The following CADM2 variants were observed in gnomAD, a reference collection of about 807,000 sequenced individuals.
The protein encoded by CADM2 is cell adhesion molecule 2.
Under a neutral mutation model 49.8 loss-of-function variants are expected in CADM2, and 12 were observed. The observed-to-expected ratio is 0.24, with a 90% confidence interval of 0.15 to 0.39. The LOEUF is 0.39. CADM2 is among the 10% of genes least tolerant of loss of function. CADM2 has a pLI of 1.00. For synonymous variants in CADM2, 214 were observed against 175.4 expected, an observed-to-expected ratio of 1.22 and a Z score of -1.74; for missense variants, 378 against 492.3, an observed-to-expected ratio of 0.77 and a Z score of 2.20.
intron 1 of CADM2, among the ~76,000 whole-genome samples, chr3:85,052,877 C>A (rs1368911845): frequency 2.0e-5 from 3 of 151,926 alleles, no homozygotes; most frequent in Non-Finnish European, 4.4e-5. Context: ...ATTAGTGCTG[C>A]ATTATATGTG....
intron 1 of CADM2, among the ~76,000 whole-genome samples, chr3:85,062,139 G>C (rs1433446883): frequency 2.0e-5 from 3 of 150,768 alleles, no homozygotes; most frequent in Non-Finnish European, 4.4e-5. Flanking sequence ...CCAAACTCTT[G>C]CTTCCGGTAC....
chr3:85,799,526 A>G (rs2875529), intron 2 of CADM2, among the ~76,000 whole-genome samples: 62,500 of 152,042 alleles, frequency 0.41, 13,517 homozygotes, highest in East Asian at 0.76. Flanking sequence ...CTATTGAGAT[A>G]ATCATGTGGT....
chr3:85,349,233 G>A (rs2031091433), intron 1 of CADM2, among the ~76,000 whole-genome samples: 1 of 152,118 alleles, frequency 6.6e-6, no homozygotes. Context: ...AAGGTTTAAC[G>A]TTCAGAGGTT....
intron 1 of CADM2, among the ~76,000 whole-genome samples, chr3:85,153,975 C>T (rs1410900745): frequency 1.3e-5 from 2 of 152,008 alleles, no homozygotes; most frequent in Non-Finnish European, 2.9e-5. Context: ...TAGATAAAAC[C>T]ACAAAGATGG....
chr3:85,898,233 C>A lies in CADM2; in HGVS notation c.529+11906C>A, dbSNP rs541365030. Among the ~76,000 whole-genome samples the A allele has an allele frequency of 2.4e-4, 37 of 152,000 alleles. 1 individual carries two copies. In the South Asian group the frequency reaches 6.4e-3, roughly 26 times the overall value. Reference sequence around the variant, plus strand: ...GTGGTTGAGTTGAAAGAATAATCACCAGAAATCATTGAGAGTCTTTACTTT... The same window carrying A: ...GTGGTTGAGTTGAAAGAATAATCACAAGAAATCATTGAGAGTCTTTACTTT... On this transcript the variant is annotated intron_variant, in intron 5 of 9. Coordinates refer to ENST00000383699, the MANE Select transcript of CADM2 (RefSeq NM_001167675.2).
chr3:85,638,921 T>A (rs1385925886), intron 1 of CADM2, among the ~76,000 whole-genome samples: 1 of 152,144 alleles, frequency 6.6e-6, no homozygotes, highest in African/African-American at 2.4e-5. Context: ...TTTCTGTTTT[T>A]GTTTTGTTTT....
intron 1 of CADM2, among the ~76,000 whole-genome samples, chr3:85,471,726 A>ATTTTATTTTATTT (rs1559857376): frequency 2.5e-5 from 1 of 39,364 alleles, no homozygotes; most frequent in African/African-American, 7.1e-5. Context: ...TTATTTTATT[A>ATTTTATTTTATTT]TACTTTAAGT....
At chr3:85,254,891 G>A (rs1353016775) in intron 1 of CADM2, among the ~76,000 whole-genome samples, 1 of 151,998 alleles carries the variant, frequency 6.6e-6, no homozygotes, top group Admixed American at 6.6e-5. Flanking sequence ...AGTGCTTCCC[G>A]TTTGCGGGTC....
At chr3:85,155,157 C>G (rs1228139225) in intron 1 of CADM2, among the ~76,000 whole-genome samples, 33 of 149,608 alleles carry the variant, frequency 2.2e-4, no homozygotes, top group Admixed American at 1.5e-3. Context: ...ATTGGATAAA[C>G]AGTCAAGACC....
chr3:85,240,170 T>C (rs1464829895), intron 1 of CADM2, among the ~76,000 whole-genome samples: 6 of 151,554 alleles, frequency 4.0e-5, no homozygotes, highest in South Asian at 2.1e-4. Flanking sequence ...TAATAACTTA[T>C]GTTGTTGCTT....
At chr3:85,875,054 A>G (rs1312109105) in intron 3 of CADM2, among the ~76,000 whole-genome samples, 1 of 152,170 alleles carries the variant, frequency 6.6e-6, no homozygotes. Flanking sequence ...TCCATTTACT[A>G]TGGTTTCAGT....
intron 1 of CADM2, among the ~76,000 whole-genome samples, chr3:85,322,194 A>G (rs972614348): frequency 6.6e-6 from 1 of 152,236 alleles, no homozygotes; most frequent in South Asian, 2.1e-4. Context: ...CGAAAATAGT[A>G]GAAGAATATA....
chr3:85,587,236 T>C (rs960246958), intron 1 of CADM2, among the ~76,000 whole-genome samples: 4 of 152,002 alleles, frequency 2.6e-5, no homozygotes, highest in Non-Finnish European at 4.4e-5. Flanking sequence ...GATAGGAAGT[T>C]AGACATAAAC....
At chr3:85,021,795 C>CA (rs1301921875) in intron 1 of CADM2, among the ~76,000 whole-genome samples, 2 of 151,918 alleles carry the variant, frequency 1.3e-5, no homozygotes, top group Non-Finnish European at 2.9e-5. Flanking sequence ...TTAATAAAAA[C>CA]AAAAAATAAA....
intron 6 of CADM2, among the ~76,000 whole-genome samples, chr3:85,920,426 T>G (rs555249034): frequency 6.6e-6 from 1 of 151,942 alleles, no homozygotes; most frequent in South Asian, 2.1e-4. Flanking sequence ...TAATTTAGCC[T>G]AAGATATTTC....
rs547384350 is a variant in CADM2 at position 85,670,692 on chromosome 3, C to T, written c.62-55830C>T. 2.6e-5 allele frequency among the ~76,000 whole-genome samples: 4 copies of T among 152,182 alleles called. No individual in the cohort carries two copies. The East Asian group carries it at 5.8e-4, about 22-fold the overall frequency. ...TTTTAACATGATGGCCATGTATGAT[C>T]TGAAGTTGTATGGAAGGAAGTGTTA... On this transcript the variant is annotated intron_variant, in intron 1 of 9. Coordinates refer to ENST00000383699, the MANE Select transcript of CADM2 (RefSeq NM_001167675.2).
chr3:84,969,938 T>C (rs2031294539), intron 1 of CADM2, among the ~76,000 whole-genome samples: 1 of 151,924 alleles, frequency 6.6e-6, no homozygotes, highest in African/African-American at 2.4e-5. Flanking sequence ...GAAGCCACAT[T>C]ATCTTCTTGT....
intron 1 of CADM2, among the ~76,000 whole-genome samples, chr3:85,187,816 T>TA (rs1374544668): frequency 6.6e-6 from 1 of 152,084 alleles, no homozygotes; most frequent in Non-Finnish European, 1.5e-5. Flanking sequence ...ATAAGGTACT[T>TA]ACTATATTTT....
intron 3 of CADM2, among the ~76,000 whole-genome samples, chr3:85,829,785 G>C (rs1298529734): frequency 6.6e-6 from 1 of 151,904 alleles, no homozygotes; most frequent in East Asian, 1.9e-4. Flanking sequence ...TTCTGCGCTT[G>C]ACTTACTTCA....
Sources: gnomAD v4.1 joint callset for allele counts (sites outside exome capture counted in the v4.1 genomes callset) on GRCh38, gnomAD v4.1.1 for gene constraint, MANE v1.5 for transcripts, NCBI Gene and HGNC (gene_info 2026-07-23, HGNC 2026-07-21) for gene names.